Variants in RPS6KC1 observed in about 807,000 individuals in gnomAD.
RPS6KC1 encodes ribosomal protein S6 kinase C1.
Under a neutral mutation model 103.8 loss-of-function variants are expected in RPS6KC1, and 54 were observed. The ratio of observed to expected loss-of-function variants is 0.52; its 90% confidence interval spans 0.42 to 0.65. The LOEUF is 0.65. Ranked by LOEUF, RPS6KC1 falls within the 30% of genes least tolerant of loss-of-function variation. RPS6KC1 has a pLI of 0.00. For missense variants in RPS6KC1, 1,151 were observed against 1,253.8 expected (o/e 0.92, Z 1.24); for synonymous variants, 439 against 438.7 (o/e 1.00, Z -0.01).
the RPS6KC1 span, among the ~76,000 whole-genome samples, chr1:213,802,971 T>C: frequency 6.6e-6 from 1 of 152,142 alleles, no homozygotes; most frequent in Admixed American, 6.5e-5. Context: ...ATAAGGGAGC[T>C]AACTTTTACT....
the RPS6KC1 span, among the ~76,000 whole-genome samples, chr1:213,571,070 C>T: frequency 3.9e-5 from 6 of 152,238 alleles, no homozygotes; most frequent in East Asian, 1.2e-3. Context: ...ATTGCTTTAC[C>T]GAATAGACGA....
At chr1:213,751,588 G>T in the RPS6KC1 span, among the ~76,000 whole-genome samples, 12 of 152,122 alleles carry the variant, frequency 7.9e-5, no homozygotes, top group Non-Finnish European at 1.6e-4. Flanking sequence ...AGCTCTCCCA[G>T]CCTGGAAGAC....
At chr1:213,363,675 T>TTTCTTTCC in the RPS6KC1 span, among the ~76,000 whole-genome samples, 4 of 96,126 alleles carry the variant, frequency 4.2e-5, no homozygotes, top group East Asian at 6.4e-4. Flanking sequence ...TCTTTCTTTC[T>TTTCTTTCC]TTCTTTCTTT....
chr1:213,271,260 T>C (rs78203789), intron 14 of RPS6KC1, among the ~76,000 whole-genome samples: 16 of 152,318 alleles, frequency 1.1e-4, no homozygotes, highest in Non-Finnish European at 1.6e-4. Context: ...GGCCTGTTGA[T>C]ACCTGCTACA....
intron 8 of RPS6KC1, among the ~76,000 whole-genome samples, chr1:213,218,383 A>T (rs900235452): frequency 1.3e-5 from 2 of 152,136 alleles, no homozygotes; most frequent in Admixed American, 1.3e-4. Context: ...ATACAAACAA[A>T]TGGAAGAACA....
chr1:213,804,000 C>T, the RPS6KC1 span, among the ~76,000 whole-genome samples: 3,251 of 151,302 alleles, frequency 0.021, 139 homozygotes, highest in African/African-American at 0.076. Context: ...TTAGGAGATA[C>T]ACCTAATGTA....
chr1:213,691,660 T>C, the RPS6KC1 span, among the ~76,000 whole-genome samples: 2 of 152,216 alleles, frequency 1.3e-5, no homozygotes, highest in Non-Finnish European at 2.9e-5. Flanking sequence ...TATGTTATAA[T>C]GATTGAAAAG....
At chr1:213,366,737 A>G in the RPS6KC1 span, among the ~76,000 whole-genome samples, 2 of 152,124 alleles carry the variant, frequency 1.3e-5, no homozygotes, top group African/African-American at 4.8e-5. Context: ...ACCCTTTACT[A>G]CCCTTCTGGG....
At chr1:213,576,022 A>T in the RPS6KC1 span, among the ~76,000 whole-genome samples, 2 of 152,210 alleles carry the variant, frequency 1.3e-5, no homozygotes, top group African/African-American at 4.8e-5. Context: ...ACTGAAATGG[A>T]TTTCCAGAAG....
chr1:213,614,027 G>A, the RPS6KC1 span, among the ~76,000 whole-genome samples: 3 of 152,200 alleles, frequency 2.0e-5, no homozygotes, highest in Non-Finnish European at 4.4e-5. Flanking sequence ...GACCAGTGAG[G>A]TTCTGTTTGA....
At chr1:213,467,408 G>A in the RPS6KC1 span, among the ~76,000 whole-genome samples, 2 of 152,176 alleles carry the variant, frequency 1.3e-5, no homozygotes, top group African/African-American at 4.8e-5. Context: ...ATTCTCAAAT[G>A]CACACAAAAA....
chr1:213,313,413 T>C, the RPS6KC1 span, among the ~76,000 whole-genome samples: 402 of 152,148 alleles, frequency 2.6e-3, 3 homozygotes, highest in African/African-American at 9.2e-3. Flanking sequence ...CCCCTACTCC[T>C]TCCTGAAGCC....
the RPS6KC1 span, among the ~76,000 whole-genome samples, chr1:213,672,001 C>G: frequency 6.6e-6 from 1 of 151,844 alleles, no homozygotes; most frequent in Admixed American, 6.6e-5. Flanking sequence ...GTCCTTGGCT[C>G]TCCACCCCAA....
chr1:213,075,625 G>C (rs1046489912), intron 2 of RPS6KC1, among the ~76,000 whole-genome samples: 1 of 152,168 alleles, frequency 6.6e-6, no homozygotes, highest in Non-Finnish European at 1.5e-5. Context: ...AACTGCTGCT[G>C]CTTCCTTAGT....
chr1:213,149,188 A>AT (rs1262281528), intron 6 of RPS6KC1, among the ~76,000 whole-genome samples: 1 of 150,664 alleles, frequency 6.6e-6, no homozygotes, highest in Non-Finnish European at 1.5e-5. Flanking sequence ...GATCTTTATT[A>AT]TTTTTTTCTA....
intron 6 of RPS6KC1, among the ~76,000 whole-genome samples, chr1:213,142,895 A>G (rs2087246646): frequency 6.6e-6 from 1 of 152,108 alleles, no homozygotes; most frequent in Admixed American, 6.6e-5. Flanking sequence ...GGGAAACAGA[A>G]TGTGTGACTT....
the RPS6KC1 span, among the ~76,000 whole-genome samples, chr1:213,654,212 T>C: frequency 6.6e-6 from 1 of 152,192 alleles, no homozygotes; most frequent in Non-Finnish European, 1.5e-5. Flanking sequence ...TGTCAGACCA[T>C]CCCCCTTGTT....
At chr1:213,578,297 G>T in the RPS6KC1 span, among the ~76,000 whole-genome samples, 2 of 152,238 alleles carry the variant, frequency 1.3e-5, no homozygotes, top group Non-Finnish European at 2.9e-5. Flanking sequence ...TGCTGCAGGG[G>T]CAGAGTCCTC....
the RPS6KC1 span, among the ~76,000 whole-genome samples, chr1:213,382,238 G>A: frequency 6.6e-6 from 1 of 152,180 alleles, no homozygotes; most frequent in South Asian, 2.1e-4. Flanking sequence ...CTCCCCCTGG[G>A]TTGCCCAGGC....
Sources: gnomAD v4.1 joint callset for allele counts (sites outside exome capture counted in the v4.1 genomes callset) on GRCh38, gnomAD v4.1.1 for gene constraint, MANE v1.5 for transcripts, NCBI Gene and HGNC (gene_info 2026-07-23, HGNC 2026-07-21) for gene names.